HACD1: variants seen among roughly 807,000 people sequenced by gnomAD.
HACD1 encodes the protein 3-hydroxyacyl-CoA dehydratase 1, also known as very-long-chain (3R)-3-hydroxyacyl-CoA dehydratase 1.
Under a neutral mutation model 32.0 loss-of-function variants are expected in HACD1, and 41 were observed. The ratio of observed to expected loss-of-function variants is 1.28; its 90% CI spans 1.00 to 1.66. The LOEUF is 1.66. Ranked by LOEUF, HACD1 falls within the 40% of genes most tolerant of loss-of-function variation. The pLI is 0.00. For synonymous variants in HACD1, 142 were observed against 139.0 expected (o/e 1.02, Z -0.15); for missense variants, 396 against 380.1 (o/e 1.04, Z -0.35).
chr10:17,607,633 G>A (rs1465903407), intron 1 of HACD1, among the ~76,000 whole-genome samples: 3 of 152,098 alleles, frequency 2.0e-5, no homozygotes, highest in South Asian at 4.1e-4. Flanking sequence ...AAACAGCATT[G>A]TATAAAAATC....
chr10:17,599,486 T>G, intron 4 of HACD1, 75 bp from the exon 5 acceptor site: 1 of 1,491,722 alleles, frequency 6.7e-7, no homozygotes, highest in Non-Finnish European at 8.9e-7. Context: ...ACTTTACTTA[T>G]TTATTGCCTT....
intron 1 of HACD1, among the ~76,000 whole-genome samples, chr10:17,616,322 G>T (rs1323153005): frequency 1.3e-5 from 2 of 152,054 alleles, no homozygotes; most frequent in African/African-American, 2.4e-5. Flanking sequence ...TTTTCCTCGC[G>T]TTTACATAAG....
chr10:17,617,317 G>A lies in HACD1; in HGVS notation c.23C>T (p.Ala8Val), dbSNP rs1588998823. 5 of 1,437,520 alleles carry A rather than the reference G, an allele frequency of 3.5e-6. No individual in the cohort carries two copies. The highest frequency in any genetic ancestry group is 1.5e-5 in the African/African-American group (1 of 67,222). The allele number at this position is 1,437,520 out of a possible 1,614,324, so 89.0% of individuals were successfully genotyped here. A position where few individuals can be genotyped will look rare whatever the true frequency, so the allele number is the denominator to read the frequency against. MGRLTEA[A>V]AAGSGSRAAG... The stretch of plus-strand genomic sequence containing the variant: ...AGCCCGAGAGCCGCTGCCCGCTGCC[G>A]CCGCTTCCGTCAGGCGCCCCATGTG... Residue 8 changes from alanine to valine, a missense_variant, in exon 1 of 7, where the codon GCG (alanine) becomes GTG (valine). Physicochemically the swap from Ala to Val is moderately conservative, Grantham distance 64. Coordinates refer to ENST00000361271, the MANE Select transcript of HACD1 (RefSeq NM_014241.4).
At chr10:17,596,926 A>C (rs1834002397) in intron 5 of HACD1, among the ~76,000 whole-genome samples, 1 of 152,216 alleles carries the variant, frequency 6.6e-6, no homozygotes, top group Non-Finnish European at 1.5e-5. Flanking sequence ...TCTAAAGTGT[A>C]GTTTTATTCG....
At chr10:17,591,999 T>TTTTTTTAG (rs1588982130) in intron 6 of HACD1, among the ~76,000 whole-genome samples, 1 of 146,162 alleles carries the variant, frequency 6.8e-6, no homozygotes, top group Non-Finnish European at 1.5e-5. Flanking sequence ...TTTTTTTTTT[T>TTTTTTTAG]GAGATGGAGT....
chr10:17,609,497 A>C (rs1564510819), intron 1 of HACD1, among the ~76,000 whole-genome samples: 1 of 152,096 alleles, frequency 6.6e-6, no homozygotes, highest in African/African-American at 2.4e-5. Context: ...AAGATATATG[A>C]TTGGCAAGTG....
Position 17,594,860 on chromosome 10 carries a change from G to GT in HACD1, c.606-478dup, listed in dbSNP as rs782281787. Among the ~76,000 whole-genome samples, 280 of 139,084 alleles carry GT rather than the reference G, an allele frequency of 2.0e-3. 10 individuals are homozygous for GT. In the East Asian group the frequency reaches 0.048, roughly 24 times the overall value. The allele number at this position is 139,084 out of a possible 152,430, so 91.2% of individuals were successfully genotyped here. A position where few individuals can be genotyped will look rare whatever the true frequency, so the allele number is the denominator to read the frequency against. On this transcript the variant is annotated intron_variant, in intron 5 of 6. Transcript: ENST00000361271. Reference sequence around the variant, plus strand: ...CTAATTTTTGGTGTTTTTTTTTTTTGTTTTTTGTTTTTTTTTGAGATGGAG... The same window carrying GT: ...CTAATTTTTGGTGTTTTTTTTTTTTGTTTTTTTGTTTTTTTTTGAGATGGAG...
At chr10:17,608,486 A>G (rs1348679452) in intron 1 of HACD1, among the ~76,000 whole-genome samples, 1 of 151,702 alleles carries the variant, frequency 6.6e-6, no homozygotes, top group African/African-American at 2.4e-5. Context: ...CAACTTTCAT[A>G]TACTCCACAC....
chr10:17,602,640 T>C (rs782077984), intron 4 of HACD1, among the ~76,000 whole-genome samples: 1 of 152,234 alleles, frequency 6.6e-6, no homozygotes. Context: ...AACGAACCTA[T>C]GTATTACCTT....
chr10:17,616,418 T>A (rs1026974018), intron 1 of HACD1, among the ~76,000 whole-genome samples: 2 of 152,198 alleles, frequency 1.3e-5, no homozygotes, highest in African/African-American at 2.4e-5. Context: ...CAACAGGTTT[T>A]GAGAAGCAGT....
intron 1 of HACD1, among the ~76,000 whole-genome samples, chr10:17,611,263 C>T (rs2131521249): frequency 6.6e-6 from 1 of 152,284 alleles, no homozygotes; most frequent in Non-Finnish European, 1.5e-5. Context: ...GCCTCAAGTG[C>T]TGGGATTACA....
At chr10:17,616,190 A>T (rs1554818051) in intron 1 of HACD1, among the ~76,000 whole-genome samples, 1 of 149,974 alleles carries the variant, frequency 6.7e-6, no homozygotes, top group Admixed American at 6.6e-5. Flanking sequence ...AAAGGCATGA[A>T]CCCGGGAGGC....
chr10:17,605,596 G>A (rs929753410), intron 1 of HACD1, among the ~76,000 whole-genome samples: 1 of 150,944 alleles, frequency 6.6e-6, no homozygotes, highest in African/African-American at 2.4e-5. Context: ...AACAACAATT[G>A]CTGAGCCACA....
intron 5 of HACD1, among the ~76,000 whole-genome samples, chr10:17,595,106 G>A (rs193213072): frequency 0.012 from 1,831 of 152,044 alleles, 47 homozygotes; most frequent in African/African-American, 0.04. Context: ...TGATCCACCC[G>A]CCTCAGCCTC....
intron 4 of HACD1, 74 bp downstream of exon 4, chr10:17,603,486 G>A (rs1834099897): frequency 2.3e-6 from 3 of 1,322,706 alleles, no homozygotes; most frequent in Non-Finnish European, 3.2e-6. Flanking sequence ...ATATACAAAT[G>A]TTAATATTTT....
At chr10:17,616,200 C>T (rs1168806179) in intron 1 of HACD1, among the ~76,000 whole-genome samples, 2 of 150,964 alleles carry the variant, frequency 1.3e-5, no homozygotes, top group African/African-American at 2.4e-5. Flanking sequence ...ACCCGGGAGG[C>T]GGAGCTTGTA....
chr10:17,617,329 A>C lies in HACD1; in HGVS notation c.11T>G (p.Leu4Arg), dbSNP rs540173145. The change falls in exon 1 of 7, where the codon CTG (leucine) becomes CGG (arginine). Residue 4 changes from leucine (L) to arginine (R), a missense_variant. Transcript: ENST00000361271. The stretch of plus-strand genomic sequence containing the variant: ...GCTGCCCGCTGCCGCCGCTTCCGTC[A>C]GGCGCCCCATGTGCAGCGCGCAGGG... MGR[L>R]TEAAAAGSGS... 11 of 1,431,924 alleles carry C rather than the reference A, an allele frequency of 7.7e-6. No individual in the cohort carries two copies. Among genetic ancestry groups the C allele is most frequent in the Non-Finnish European group, 1.0e-5 (11 of 1,098,916 alleles). The allele number at this position is 1,431,924 out of a possible 1,614,324, so 88.7% of individuals were successfully genotyped here.
intron 5 of HACD1, among the ~76,000 whole-genome samples, chr10:17,598,278 A>AGAG (rs1554816170): frequency 1.4e-5 from 2 of 146,378 alleles, no homozygotes; most frequent in Admixed American, 1.4e-4. Flanking sequence ...AAAAAAAAAA[A>AGAG]AGAGAAAAAA....
chr10:17,613,141 TG>T lies in HACD1; in HGVS notation c.257+3941del, dbSNP rs781830567. ...GTGTGTGTGTGTGTGTGTGTGTGTGTGTGTGTTTTGTTTTTGAGATGGGGTC... is the reference window on the plus strand; with the variant it reads ...GTGTGTGTGTGTGTGTGTGTGTGTGTTGTGTTTTGTTTTTGAGATGGGGTC... On this transcript the variant is annotated intron_variant, in intron 1 of 6. Transcript: ENST00000361271. Among the ~76,000 whole-genome samples, 914 of 100,410 alleles carry T rather than the reference TG, an allele frequency of 9.1e-3. 8 individuals are homozygous for T. Among genetic ancestry groups the T allele is most frequent in the Middle Eastern group, 0.034 (8 of 232 alleles). 65.9% of individuals were successfully genotyped at this position (100,410 alleles called of 152,430 possible).
Sources: allele counts gnomAD v4.1 joint callset (sites outside exome capture counted in the v4.1 genomes callset), GRCh38; gene constraint gnomAD v4.1.1; transcripts MANE v1.5; gene names NCBI Gene and HGNC (gene_info 2026-07-23, HGNC 2026-07-21).